DNAH7: variants seen among roughly 807,000 people sequenced by gnomAD.
The protein encoded by DNAH7 is dynein axonemal heavy chain 7, also known as axonemal beta dynein heavy chain 7.
DNAH7 carries 397 observed loss-of-function variants against 444.6 expected under a neutral mutation model. The observed-to-expected ratio is 0.89, with a 90% CI of 0.82 to 0.97. The LOEUF (loss-of-function observed/expected upper bound fraction) is 0.97, where lower values mean the gene tolerates loss of function less well. DNAH7 is among the 50% of genes least tolerant of loss of function. The probability of loss-of-function intolerance (pLI) is 0.00; values close to 1 mark genes in which losing one functional copy is unlikely to be tolerated. For missense variants in DNAH7, 4,902 were observed against 4,800.8 expected (o/e 1.02, Z -0.62); for synonymous variants, 1,636 against 1,624.4 (o/e 1.01, Z -0.17).
At chr2:195,761,972 A>T (rs758175201) in intron 61 of DNAH7, among the ~76,000 whole-genome samples, 2 of 152,200 alleles carry the variant, frequency 1.3e-5, no homozygotes, top group East Asian at 3.8e-4. Flanking sequence ...TATACTACTC[A>T]TATCTTGAGG....
chr2:195,792,081 C>T lies in DNAH7; in HGVS notation c.10716+2257G>A, dbSNP rs542918316. ...ACTCATGAGGCTGAGGTGGGATAAT[C>T]GTTTGAGCCCAAGAGGTGGAGGTTG... On this transcript the variant is annotated intron_variant, in intron 57 of 64. Transcript: ENST00000312428. Among the ~76,000 whole-genome samples the T allele has an allele frequency of 7.1e-5, 10 of 141,152 alleles. No homozygotes were observed. The East Asian group carries it at 1.5e-3, about 21-fold the overall frequency. The allele number at this position is 141,152 out of a possible 152,430, so 92.6% of individuals were successfully genotyped here. A position where few individuals can be genotyped will look rare whatever the true frequency, so the allele number is the denominator to read the frequency against.
rs61478611 is a variant in DNAH7, at chr2:195,938,673, TAACA to T, written c.3079-1885_3079-1882del. ...TTGCTAAATATTATAATTGCCAAAA[TAACA>T]AACAAACAACAACAAACCATGGAAA... is the stretch of plus-strand genomic sequence containing the variant. On this transcript the variant is annotated intron_variant, in intron 19 of 64. Transcript: ENST00000312428. Among the ~76,000 whole-genome samples, 108 of 152,236 alleles carry T rather than the reference TAACA, an allele frequency of 7.1e-4. No individual in the cohort carries two copies. In the Middle Eastern group the frequency reaches 0.024, roughly 34 times the overall value.
chr2:195,738,401 G>A (rs1692784284), intron 64 of DNAH7, among the ~76,000 whole-genome samples: 1 of 141,014 alleles, frequency 7.1e-6, no homozygotes, highest in African/African-American at 2.6e-5. Context: ...GACTTTTAGT[G>A]CTTACAATGA....
chr2:195,938,215 T>C (rs944707948), intron 19 of DNAH7, among the ~76,000 whole-genome samples: 2 of 152,104 alleles, frequency 1.3e-5, no homozygotes, highest in African/African-American at 4.8e-5. Context: ...ATAATTATCA[T>C]TACTTGTTTC....
intron 54 of DNAH7, among the ~76,000 whole-genome samples, chr2:195,801,591 A>AT (rs1236641037): frequency 6.6e-6 from 1 of 152,178 alleles, no homozygotes; most frequent in Non-Finnish European, 1.5e-5. Flanking sequence ...ACACTGCACT[A>AT]TGTAGACAAT....
At chr2:195,993,266 G>A (rs1159177359) in intron 12 of DNAH7, among the ~76,000 whole-genome samples, 1 of 152,180 alleles carries the variant, frequency 6.6e-6, no homozygotes, top group South Asian at 2.1e-4. Context: ...TTCTTGCAGA[G>A]CCTGATAAAC....
chr2:195,959,395 G>A (rs369230951), intron 18 of DNAH7, among the ~76,000 whole-genome samples: 1 of 151,992 alleles, frequency 6.6e-6, no homozygotes, highest in African/African-American at 2.4e-5. Flanking sequence ...ATGATATCAC[G>A]CATAGTCCCT....
intron 22 of DNAH7, among the ~76,000 whole-genome samples, chr2:195,924,238 A>G (rs574843717): frequency 1.3e-5 from 2 of 152,300 alleles, no homozygotes; most frequent in Non-Finnish European, 2.9e-5. Flanking sequence ...TGAAGTAACT[A>G]CAAGCTGTCT....
intron 18 of DNAH7, 45 bp downstream of exon 18, chr2:195,960,214 AT>A: frequency 6.8e-7 from 1 of 1,462,364 alleles, no homozygotes. Flanking sequence ...AACACAAGTG[AT>A]TTTGGTAACA....
In DNAH7 at chr2:195,972,168, A is replaced by G; in HGVS notation, c.2058+74T>C. 2.4e-6 allele frequency: 3 copies of G among 1,241,764 alleles called. No individual in the cohort carries two copies. The Admixed American group carries it at 6.7e-5, about 28-fold the overall frequency. The allele number at this position is 1,241,764 out of a possible 1,614,324, so 76.9% of individuals were successfully genotyped here. On this transcript the variant is annotated intron_variant, in intron 16 of 64. Coordinates refer to ENST00000312428, the MANE Select transcript of DNAH7 (RefSeq NM_018897.3). ...AAAAAGTATGCACTCAAATAAAATA[A>G]TTGACAATGCTACATAAAAAGATAA...
chr2:195,946,507 C>T (rs1689814201), intron 19 of DNAH7, among the ~76,000 whole-genome samples: 1 of 152,058 alleles, frequency 6.6e-6, no homozygotes, highest in Non-Finnish European at 1.5e-5. Flanking sequence ...CATTACATAC[C>T]CACAACTCTC....
chr2:195,977,797 A>G (rs1454487160), intron 15 of DNAH7, among the ~76,000 whole-genome samples: 3 of 152,216 alleles, frequency 2.0e-5, no homozygotes, highest in Non-Finnish European at 4.4e-5. Flanking sequence ...CTGACTGCAG[A>G]CTTTTCAGTG....
intron 56 of DNAH7, among the ~76,000 whole-genome samples, chr2:195,795,245 G>C (rs1390748472): frequency 1.3e-5 from 2 of 152,170 alleles, no homozygotes; most frequent in Admixed American, 6.5e-5. Flanking sequence ...AGCCGGCCAT[G>C]GTGGCAGGTG....
rs551648495 is a variant in DNAH7 at position 195,945,331 on chromosome 2, G to T, written c.3079-8539C>A. The stretch of plus-strand genomic sequence containing the variant: ...AGGATAACACCATTGGAAATACTGA[G>T]TTCAACAACCCATCATGGTGGCTCT... On this transcript the variant is annotated intron_variant, in intron 19 of 64. Coordinates refer to ENST00000312428, the MANE Select transcript of DNAH7 (RefSeq NM_018897.3). Among the ~76,000 whole-genome samples the T allele has an allele frequency of 2.0e-5, 3 of 152,148 alleles. No homozygotes were observed. The East Asian group carries it at 5.8e-4, about 29-fold the overall frequency.
Position 195,910,208 on chromosome 2 carries a change from A to G in DNAH7, c.3936-13T>C. On this transcript the variant is annotated splice_polypyrimidine_tract_variant and intron_variant, in intron 24 of 64. Transcript: ENST00000312428. ...TCCAAATAAGGTTCTGAAACATATGAAATAGACATTCTTTGTAGAATAATG... is the reference window on the plus strand; with the variant it reads ...TCCAAATAAGGTTCTGAAACATATGGAATAGACATTCTTTGTAGAATAATG... 6.4e-7 allele frequency: 1 copy of G among 1,572,012 alleles called. No homozygotes were observed. Among genetic ancestry groups the G allele is most frequent in the Non-Finnish European group, 8.6e-7 (1 of 1,159,636 alleles).
At chr2:195,898,400 T>A (rs1553554623) in intron 28 of DNAH7, among the ~76,000 whole-genome samples, 1 of 152,236 alleles carries the variant, frequency 6.6e-6, no homozygotes, top group Non-Finnish European at 1.5e-5. Context: ...TTCAGTTTTA[T>A]ACACACTTCT....
chr2:195,909,540 C>G (rs1687232380), intron 25 of DNAH7, among the ~76,000 whole-genome samples: 1 of 151,808 alleles, frequency 6.6e-6, no homozygotes, highest in Non-Finnish European at 1.5e-5. Context: ...CACATGTAAC[C>G]TGAAAATATG....
intron 51 of DNAH7, among the ~76,000 whole-genome samples, chr2:195,815,104 G>C (rs1014854615): frequency 2.6e-5 from 4 of 151,250 alleles, no homozygotes; most frequent in Non-Finnish European, 5.9e-5. Flanking sequence ...ATGAAAACCA[G>C]ACATGCATGT....
At chr2:195,891,230 T>C (rs774281919) in intron 31 of DNAH7, among the ~76,000 whole-genome samples, 10 of 152,198 alleles carry the variant, frequency 6.6e-5, no homozygotes, top group Non-Finnish European at 1.3e-4. Context: ...TGTGCAAAGG[T>C]GTGCAATTTC....
Sources: gnomAD v4.1 joint callset for allele counts (sites outside exome capture counted in the v4.1 genomes callset) on GRCh38, gnomAD v4.1.1 for gene constraint, MANE v1.5 for transcripts, NCBI Gene and HGNC (gene_info 2026-07-23, HGNC 2026-07-21) for gene names.